PRX: variants seen among roughly 807,000 people sequenced by gnomAD.
The protein encoded by PRX is periaxin.
Under a neutral mutation model 29.6 loss-of-function variants are expected in PRX, and 24 were observed. The ratio of observed to expected loss-of-function variants is 0.81; its 90% CI spans 0.59 to 1.14. PRX has a LOEUF of 1.14. Among genes scored for constraint, PRX ranks in the 50% most tolerant of loss-of-function variants. The pLI, the probability that PRX is intolerant of heterozygous loss-of-function variation, is 0.00. For missense variants in PRX, 1,838 were observed against 1,926.4 expected (o/e 0.95, Z 0.86); for synonymous variants, 772 against 831.7 (o/e 0.93, Z 1.24).
rs200244689 is a variant in PRX, at chr19:40,397,161, C to A, written c.1191G>T (p.Gly397=). ...CGGGCCGGGGCTCCAAGAGGGAAAG[C>A]CCAAAGGTGGGCATTCGAAGTCTGG... is the stretch of plus-strand genomic sequence containing the variant. ...KGPRLRMPTF[G]LSLLEPRPAA... Residue 397 remains glycine, a synonymous_variant, in exon 7 of 7, where the codon GGG becomes GGT. Transcript: ENST00000324001. 6.2e-7 allele frequency: 1 copy of A among 1,613,858 alleles called. No homozygotes were observed. The highest frequency in any genetic ancestry group is 1.3e-5 in the African/African-American group (1 of 74,958).
At position 40,403,823 on chromosome 19, in the gene PRX, T is replaced by C; in HGVS notation, c.67A>G (p.Thr23Ala). The change falls in exon 5 of 7, where the codon ACG (threonine) becomes GCG (alanine). Residue 23 changes from threonine (T) to alanine (A), a missense_variant. Thr to Ala is a moderately conservative substitution (Grantham distance 58, BLOSUM62 0). Transcript: ENST00000324001. The part of the protein sequence containing the change: ...RAELVEIIVE[T>A]EAQTGVSGIN... ...CCGCTGACCCCGGTCTGCGCCTCCGTCTCCACGATAATTTCCACCAACTCC... is the reference window on the plus strand; with the variant it reads ...CCGCTGACCCCGGTCTGCGCCTCCGCCTCCACGATAATTTCCACCAACTCC... The C allele has an allele frequency of 1.9e-6, 3 of 1,608,058 alleles. No individual in the cohort carries two copies. The highest frequency in any genetic ancestry group is 2.5e-6 in the Non-Finnish European group (3 of 1,178,768).
rs776758540 is a variant in PRX, at chr19:40,394,227, C to T, written c.4125G>A (p.Arg1375=). The change falls in exon 7 of 7, where the codon CGG becomes CGA. Residue 1375 remains arginine, a synonymous_variant. Coordinates refer to ENST00000324001, the MANE Select transcript of PRX (RefSeq NM_181882.3). This position sits in a 1 kb window ranked among gnomAD's most constrained non-coding sequence, Gnocchi z 5.8. ...CCAGGCCTACACGTGGCAAGCGGACCCGGACCCGGCCCCGGCGACCCGAGG... is the reference window on the plus strand; with the variant it reads ...CCAGGCCTACACGTGGCAAGCGGACTCGGACCCGGCCCCGGCGACCCGAGG... ...EGASGRRGRV[R]VRLPRVGLAA... 19 of 1,602,994 alleles carry T rather than the reference C, an allele frequency of 1.2e-5. No individual in the cohort carries two copies. In the African/African-American group the frequency reaches 2.4e-4, roughly 20 times the overall value.
At chr19:40,399,033 C>A (rs1195270238) in intron 5 of PRX, among the ~76,000 whole-genome samples, 1 of 152,070 alleles carries the variant, frequency 6.6e-6, no homozygotes, top group Non-Finnish European at 1.5e-5. Flanking sequence ...ACTCAGGCCA[C>A]GCCCGCACCT....
chr19:40,401,768 CCT>C (rs935119731), intron 5 of PRX, among the ~76,000 whole-genome samples: 1 of 145,914 alleles, frequency 6.9e-6, no homozygotes, highest in African/African-American at 2.5e-5. Context: ...CCAGCCCACC[CCT>C]TTTTTTTTTT....
In PRX at chr19:40,395,622, G is replaced by A. The variant is rs878855283; in HGVS notation, c.2730C>T (p.Ala910=). The A allele has an allele frequency of 9.9e-6, 16 of 1,614,014 alleles. No individual in the cohort carries two copies. In the Admixed American group the frequency reaches 1.0e-4, roughly 10 times the overall value. The change falls in exon 7 of 7, where the codon GCC becomes GCT. Residue 910 remains alanine (A), a synonymous_variant. Coordinates refer to ENST00000324001, the MANE Select transcript of PRX (RefSeq NM_181882.3). ...CCAGCCGCCCTTCCTCAATTTCCAC[G>A]GCGGGCAGCTGTGGGGTGACAATTT... ...SVEIVTPQLP[A]VEIEEGRLEM...
intron 5 of PRX, among the ~76,000 whole-genome samples, chr19:40,401,418 C>T (rs569769741): frequency 6.6e-6 from 1 of 152,226 alleles, no homozygotes; most frequent in South Asian, 2.1e-4. Context: ...TTGGCTTCCC[C>T]GAGTGCTGGG....
chr19:40,410,276 T>A (rs79563280), intron 1 of PRX, among the ~76,000 whole-genome samples: 1 of 152,122 alleles, frequency 6.6e-6, no homozygotes, highest in Non-Finnish European at 1.5e-5. Flanking sequence ...CAACCCCTAT[T>A]GCACAGGGAA....
At chr19:40,409,451 C>CTATTATTATTATTATTAT (rs141778541) in intron 1 of PRX, among the ~76,000 whole-genome samples, 48 of 142,362 alleles carry the variant, frequency 3.4e-4, no homozygotes, top group African/African-American at 7.8e-4. Context: ...TAAATACTTG[C>CTATTATTATTATTATTAT]TATTATTATT....
Position 40,412,233 on chromosome 19 carries a change from C to A in PRX, c.-243+1105G>T, listed in dbSNP as rs150502489. Among the ~76,000 whole-genome samples, 277 of 152,274 alleles carry A rather than the reference C, an allele frequency of 1.8e-3. 3 individuals carry two copies. Among genetic ancestry groups the A allele is most frequent in the African/African-American group, 6.2e-3 (258 of 41,552 alleles). On this transcript the variant is annotated intron_variant, in intron 1 of 6. Transcript: ENST00000324001. The stretch of plus-strand genomic sequence containing the variant: ...GGGTCAGGGGTTGGGCTGACTCATC[C>A]AGACCTCTAAACATTATCTGAGGCC...
Position 40,397,852 on chromosome 19 carries a change from C to G in PRX, c.500G>C (p.Arg167Pro), listed in dbSNP as rs757322355. ...EFSFPKFSRL[R>P]RGLKAEAVKG... ...GACAGCCTCGGCTTTGAGGCCCCGACGCAGGCGGGAGAACTTGGGAAAGGA... is the reference window on the plus strand; with the variant it reads ...GACAGCCTCGGCTTTGAGGCCCCGAGGCAGGCGGGAGAACTTGGGAAAGGA... The change falls in exon 7 of 7, where the codon CGT becomes CCT. Residue 167 changes from arginine (R) to proline (P), a missense_variant. Arg to Pro is a moderately radical substitution (Grantham distance 103). Around this residue, in one of 3 missense-constraint regions of PRX, gnomAD observed 666 missense variants for 665.0 expected, o/e 1.00. Transcript: ENST00000324001. 165 of 1,603,548 alleles carry G rather than the reference C, an allele frequency of 1.0e-4. No individual in the cohort carries two copies. Among genetic ancestry groups the G allele is most frequent in the Non-Finnish European group, 1.4e-4 (159 of 1,175,664 alleles).
At position 40,398,960 on chromosome 19, in the gene PRX, A is replaced by G; in HGVS notation, c.185-144T>C. The stretch of plus-strand genomic sequence containing the variant: ...AATCCCCAGCGCAGGATTAAGTCGC[A>G]GTTACGCTAGTCCCCGCCCCATGAC... On this transcript the variant is annotated intron_variant, in intron 5 of 6. Transcript: ENST00000324001. This position sits in a 1 kb window ranked among gnomAD's most constrained non-coding sequence, Gnocchi z 6.3. 6.7e-7 allele frequency: 1 copy of G among 1,490,958 alleles called. No homozygotes were observed. The highest frequency in any genetic ancestry group is 9.0e-7 in the Non-Finnish European group (1 of 1,116,944). The allele number at this position is 1,490,958 out of a possible 1,614,324, so 92.4% of individuals were successfully genotyped here.
chr19:40,396,658 G>A lies in PRX; in HGVS notation c.1694C>T (p.Pro565Leu). The change falls in exon 7 of 7, where the codon CCA becomes CTA. Residue 565 changes from proline to leucine, a missense_variant. Coordinates refer to ENST00000324001, the MANE Select transcript of PRX (RefSeq NM_181882.3). Reference protein sequence around the residue: ...KLPEVSEVAVPEVRLPEVQLP... With the variant: ...KLPEVSEVAVLEVRLPEVQLP... The stretch of plus-strand genomic sequence containing the variant: ...CTGCACCTCTGGAAGCCGCACCTCT[G>A]GCACAGCCACCTCTGACACCTCTGG... 6.2e-7 allele frequency: 1 copy of A among 1,614,046 alleles called. No individual in the cohort carries two copies. Among genetic ancestry groups the A allele is most frequent in the Non-Finnish European group, 8.5e-7 (1 of 1,179,992 alleles).
At chr19:40,402,774 C>A (rs866275821) in intron 5 of PRX, among the ~76,000 whole-genome samples, 142 of 110,520 alleles carry the variant, frequency 1.3e-3, no homozygotes, top group African/African-American at 1.9e-3. Flanking sequence ...GACTCCGTCT[C>A]AAAAAAAAAA....
rs1339224105 is a variant in PRX, at chr19:40,397,287, CA to C, written c.1064del (p.Leu355ArgfsTer23). On this transcript the variant is annotated frameshift_variant, in exon 7 of 7. Transcript: ENST00000324001. LOFTEE classifies it low-confidence loss of function (END_TRUNC). ...GGGGAAAACTAAGGCGGGGCATCTT[CA>C]GGGCCACCTCAGGTGCCTCTCCCCG... ...EARGEAPEVA[L>X]KMPRLSFPRF... The C allele has an allele frequency of 6.2e-7, 1 of 1,613,388 alleles. No homozygotes were observed. The highest frequency in any genetic ancestry group is 8.5e-7 in the Non-Finnish European group (1 of 1,180,020).
Position 40,395,645 on chromosome 19 carries a change from T to C in PRX, c.2707A>G (p.Ile903Val), listed in dbSNP as rs941768924. The C allele has an allele frequency of 5.6e-6, 9 of 1,614,030 alleles. No homozygotes were observed. The highest frequency in any genetic ancestry group is 7.6e-6 in the Non-Finnish European group (9 of 1,180,036). ...EVGFRVPSVE[I>V]VTPQLPAVEI... is the part of the protein sequence containing the mutation. Reference sequence around the variant, plus strand: ...ACGGCGGGCAGCTGTGGGGTGACAATTTCAACAGAGGGCACTCGGAAGCCC... The same window carrying C: ...ACGGCGGGCAGCTGTGGGGTGACAACTTCAACAGAGGGCACTCGGAAGCCC... The change falls in exon 7 of 7, where the codon ATT (isoleucine) becomes GTT (valine). Residue 903 changes from isoleucine (I) to valine (V), a missense_variant. Ile to Val is a conservative substitution (Grantham distance 29). Coordinates refer to ENST00000324001, the MANE Select transcript of PRX (RefSeq NM_181882.3).
chr19:40,410,544 C>A (rs2079553764), intron 1 of PRX, among the ~76,000 whole-genome samples: 1 of 152,300 alleles, frequency 6.6e-6, no homozygotes, highest in South Asian at 2.1e-4. Flanking sequence ...GCCCCCTACA[C>A]CTTCCAGGCT....
At chr19:40,404,320 T>G (rs2079517462) in intron 4 of PRX, among the ~76,000 whole-genome samples, 1 of 149,988 alleles carries the variant, frequency 6.7e-6, no homozygotes, top group Non-Finnish European at 1.5e-5. Flanking sequence ...GAGACGGGGT[T>G]GTAAGGGGAG....
rs759290682 is a variant in PRX, at chr19:40,395,417, C to T, written c.2935G>A (p.Gly979Arg). The T allele has an allele frequency of 6.2e-7, 1 of 1,614,052 alleles. No individual in the cohort carries two copies. Among genetic ancestry groups the T allele is most frequent in the Non-Finnish European group, 8.5e-7 (1 of 1,179,988 alleles). The change falls in exon 7 of 7, where the codon GGG becomes AGG. Residue 979 changes from glycine to arginine, a missense_variant. Gly to Arg is a moderately radical substitution (Grantham distance 125). Coordinates refer to ENST00000324001, the MANE Select transcript of PRX (RefSeq NM_181882.3). Reference protein sequence around the residue: ...ARVGAEAEAKGAGEAGLLPAL... With the variant: ...ARVGAEAEAKRAGEAGLLPAL... ...GGCAGCAGGCCTGCCTCCCCAGCCCCTTTGGCCTCAGCCTCAGCCCCCACC... is the reference window on the plus strand; with the variant it reads ...GGCAGCAGGCCTGCCTCCCCAGCCCTTTTGGCCTCAGCCTCAGCCCCCACC...
At position 40,396,876 on chromosome 19, in the gene PRX, T is replaced by A; in HGVS notation, c.1476A>T (p.Pro492=). 6.2e-7 allele frequency: 1 copy of A among 1,614,108 alleles called. No individual in the cohort carries two copies. The highest frequency in any genetic ancestry group is 8.5e-7 in the Non-Finnish European group (1 of 1,179,996). ...PEMAVPEVRL[P]EVELPKVSEM... is the part of the protein sequence containing the mutation. ...CTGACACTTTGGGCAGCTCTACCTC[T>A]GGAAGCCGCACCTCCGGCACAGCCA... Residue 492 remains proline, a synonymous_variant, in exon 7 of 7, where the codon CCA becomes CCT. Transcript: ENST00000324001.
Sources: gnomAD v4.1 joint callset for allele counts (sites outside exome capture counted in the v4.1 genomes callset) on GRCh38, gnomAD v4.1.1 for gene constraint, gnomAD v4.1.1 regional missense constraint, Gnocchi (gnomAD v3.1) non-coding constraint, MANE v1.5 for transcripts, NCBI Gene and HGNC (gene_info 2026-07-23, HGNC 2026-07-21) for gene names.